The following MAGI1 variants were observed in gnomAD, a reference collection of about 807,000 sequenced individuals.
MAGI1 encodes membrane-associated guanylate kinase, WW and PDZ domain-containing protein 1.
Under a neutral mutation model 139.9 loss-of-function variants are expected in MAGI1, and 58 were observed. That is an observed-to-expected ratio of 0.41 (90% confidence interval 0.34 to 0.52). MAGI1 has a LOEUF of 0.52. Among genes scored for constraint, MAGI1 ranks in the 20% least tolerant of loss-of-function variants. The pLI is 0.12. For synonymous variants in MAGI1, 812 were observed against 737.9 expected, an observed-to-expected ratio of 1.10 and a Z score of -1.63; for missense variants, 1,874 against 1,901.6, an observed-to-expected ratio of 0.99 and a Z score of 0.27.
intron 1 of MAGI1, among the ~76,000 whole-genome samples, chr3:65,853,672 G>T (rs569987055): frequency 3.5e-4 from 54 of 152,248 alleles, no homozygotes; most frequent in African/African-American, 1.3e-3. Context: ...CTGAATGCAA[G>T]GAAACAAAAG....
At chr3:65,946,682 C>A (rs1329718081) in intron 1 of MAGI1, among the ~76,000 whole-genome samples, 1 of 152,158 alleles carries the variant, frequency 6.6e-6, no homozygotes, top group African/African-American at 2.4e-5. Flanking sequence ...CCTGACACCA[C>A]ACACGCACAC....
intron 3 of MAGI1, among the ~76,000 whole-genome samples, chr3:65,479,281 G>A (rs1951092587): frequency 6.6e-6 from 1 of 152,178 alleles, no homozygotes. Flanking sequence ...AAGGAGGACA[G>A]TAAACCCCAC....
intron 1 of MAGI1, among the ~76,000 whole-genome samples, chr3:65,993,605 G>A (rs757163487): frequency 8.5e-5 from 13 of 152,144 alleles, no homozygotes; most frequent in African/African-American, 1.9e-4. Context: ...CCCTTGATAC[G>A]CTTAATTTTC....
intron 12 of MAGI1, among the ~76,000 whole-genome samples, chr3:65,423,281 G>C (rs1946764206): frequency 6.6e-6 from 1 of 152,150 alleles, no homozygotes; most frequent in Non-Finnish European, 1.5e-5. Context: ...AAGAGGAGAA[G>C]TGCCTGATCA....
chr3:65,568,079 C>T (rs563803921), intron 2 of MAGI1, among the ~76,000 whole-genome samples: 6 of 152,130 alleles, frequency 3.9e-5, no homozygotes, highest in Admixed American at 3.3e-4. Flanking sequence ...ATCTATTTAC[C>T]GGGTAAAGGA....
At chr3:65,445,733 T>A (rs1322001904) in intron 7 of MAGI1, among the ~76,000 whole-genome samples, 2 of 152,132 alleles carry the variant, frequency 1.3e-5, no homozygotes, top group South Asian at 4.1e-4. Context: ...CCAAAGTACA[T>A]AATGGAGCAA....
At chr3:65,670,983 A>AC (rs2086820517) in intron 1 of MAGI1, among the ~76,000 whole-genome samples, 1 of 152,194 alleles carries the variant, frequency 6.6e-6, no homozygotes, top group Admixed American at 6.5e-5. Context: ...TATGATGTAA[A>AC]ATAACTGAAA....
intron 1 of MAGI1, among the ~76,000 whole-genome samples, chr3:65,976,479 A>C (rs2065271613): frequency 6.6e-6 from 1 of 152,056 alleles, no homozygotes; most frequent in South Asian, 2.1e-4. Flanking sequence ...AAAATACAAA[A>C]AATTAGCCAG....
At chr3:65,527,799 C>T (rs930586852) in intron 2 of MAGI1, among the ~76,000 whole-genome samples, 6 of 150,650 alleles carry the variant, frequency 4.0e-5, no homozygotes, top group African/African-American at 1.2e-4. Flanking sequence ...CCTGCAATCC[C>T]AACTACTCAG....
At chr3:65,469,114 C>A (rs72896357) in intron 5 of MAGI1, among the ~76,000 whole-genome samples, 3,155 of 152,232 alleles carry the variant, frequency 0.021, 111 homozygotes, top group African/African-American at 0.072. Context: ...CTAGAACTTT[C>A]TGTGCCTAGA....
At chr3:65,503,730 T>A (rs749156797) in intron 2 of MAGI1, among the ~76,000 whole-genome samples, 5 of 152,220 alleles carry the variant, frequency 3.3e-5, no homozygotes, top group Non-Finnish European at 7.3e-5. Flanking sequence ...ATTTATTCCA[T>A]TGTACTGATG....
At position 65,382,087 on chromosome 3, in the gene MAGI1, G is replaced by A. The variant is rs781602425; in HGVS notation, c.2509-18C>T. ...ATATAAATCTGTTGAGTAATTGAAC[G>A]ATGGATGAAACATTGCTCTCCTATG... On this transcript the variant is annotated intron_variant, in intron 15 of 22. Coordinates refer to ENST00000402939, the MANE Select transcript of MAGI1 (RefSeq NM_001033057.2). 8.9e-6 allele frequency: 14 copies of A among 1,578,492 alleles called. No individual in the cohort carries two copies. Among genetic ancestry groups the A allele is most frequent in the African/African-American group, 8.1e-5 (6 of 74,162 alleles).
At chr3:65,934,522 C>CT (rs2062955261) in intron 1 of MAGI1, among the ~76,000 whole-genome samples, 1 of 152,154 alleles carries the variant, frequency 6.6e-6, no homozygotes, top group Admixed American at 6.5e-5. Context: ...ACAAGTAGGA[C>CT]TTTTTCCAAA....
chr3:65,811,224 A>G (rs2041211429), intron 1 of MAGI1, among the ~76,000 whole-genome samples: 1 of 152,226 alleles, frequency 6.6e-6, no homozygotes, highest in Admixed American at 6.5e-5. Flanking sequence ...AAGAGCACCT[A>G]TTGTGATAGC....
intron 2 of MAGI1, among the ~76,000 whole-genome samples, chr3:65,516,884 C>A (rs559962462): frequency 1.0e-5 from 1 of 97,934 alleles, no homozygotes; most frequent in South Asian, 4.0e-4. Flanking sequence ...CCCGCCACTA[C>A]GCCCGGCTAA....
chr3:65,461,231 T>A (rs11131025), intron 5 of MAGI1, among the ~76,000 whole-genome samples: 39,371 of 151,916 alleles, frequency 0.26, 5,550 homozygotes, highest in African/African-American at 0.36. Context: ...TTATTTATTT[T>A]TTGCGATGGA....
rs146569129 is a variant in MAGI1, at chr3:65,489,676, C to T, written c.550+3836G>A. 6.2e-4 allele frequency among the ~76,000 whole-genome samples: 94 copies of T among 152,126 alleles called. No homozygotes were observed. The Middle Eastern group carries it at 0.01, about 17-fold the overall frequency. ...ATAAAGAATGAGGTGAAACTGTATG[C>T]GGTAATGTGGAAAGATCTCCAGGGT... On this transcript the variant is annotated intron_variant, in intron 3 of 22. Transcript: ENST00000402939.
At chr3:65,622,768 T>G (rs906371560) in intron 1 of MAGI1, among the ~76,000 whole-genome samples, 1 of 152,078 alleles carries the variant, frequency 6.6e-6, no homozygotes, top group East Asian at 1.9e-4. Flanking sequence ...TTCAGAACCA[T>G]GTAGAACAGG....
chr3:65,419,231 C>CACACACACACACACACACACAT (rs145284205), intron 12 of MAGI1, among the ~76,000 whole-genome samples: 2,523 of 150,838 alleles, frequency 0.017, 54 homozygotes, highest in East Asian at 0.07. Flanking sequence ...TACACACACA[C>CACACACACACACACACACACAT]ACACACACAC....
Sources: gnomAD v4.1 joint callset for allele counts (sites outside exome capture counted in the v4.1 genomes callset) on GRCh38, gnomAD v4.1.1 for gene constraint, MANE v1.5 for transcripts, NCBI Gene and HGNC (gene_info 2026-07-23, HGNC 2026-07-21) for gene names.